Variants in MANSC1 observed in about 807,000 individuals in gnomAD.
MANSC1 encodes the protein MANSC domain containing 1.
In MANSC1, 13 loss-of-function variants were observed where a neutral mutation model predicts 14.1. The observed-to-expected ratio is 0.92, with a 90% CI of 0.60 to 1.46. The LOEUF is 1.46. MANSC1 is among the 40% of genes most tolerant of loss of function. The pLI is 0.00. For synonymous variants in MANSC1, 227 were observed against 200.7 expected (o/e 1.13, Z -1.11); for missense variants, 486 against 511.4 (o/e 0.95, Z 0.48).
intron 1 of MANSC1, chr12:12,348,177 A>G (rs1863032311): frequency 1.3e-5 from 2 of 152,212 alleles, no homozygotes; most frequent in African/African-American, 4.8e-5. Context: ...ATGCAGCCTT[A>G]CCATACAATT....
Position 12,330,520 on chromosome 12 carries a change from G to C in MANSC1, c.803C>G (p.Ala268Gly), listed in dbSNP as rs781617757. ...AGAAGTGACAGTGGTTACAGGTGGAGCTGTGGTGGCCAGCTGTGGCTGGGA... is the reference window on the plus strand; with the variant it reads ...AGAAGTGACAGTGGTTACAGGTGGACCTGTGGTGGCCAGCTGTGGCTGGGA... ...GTSQPQLATTAPPVTTVTSQP... is the reference protein window; with the variant it reads ...GTSQPQLATTGPPVTTVTSQP... The change falls in exon 4 of 4, where the codon GCT becomes GGT. Residue 268 changes from alanine (A) to glycine (G), a missense_variant. Coordinates refer to ENST00000535902, the MANE Select transcript of MANSC1 (RefSeq NM_018050.4). 10 of 1,614,212 alleles carry C rather than the reference G, an allele frequency of 6.2e-6. No individual in the cohort carries two copies. In the East Asian group the frequency reaches 2.2e-4, roughly 36 times the overall value.
chr12:12,349,122 C>T (rs1279505204), intron 1 of MANSC1, among the ~76,000 whole-genome samples: 3 of 152,190 alleles, frequency 2.0e-5, no homozygotes, highest in Non-Finnish European at 4.4e-5. Flanking sequence ...ACTACTGTGG[C>T]TTTTGCCTAC....
chr12:12,350,016 C>T (rs1412375795), intron 1 of MANSC1, 62 bp downstream of exon 1: 4 of 152,450 alleles, frequency 2.6e-5, no homozygotes, highest in African/African-American at 9.6e-5. Flanking sequence ...GACCGACTCT[C>T]TCCGCAGGTA....
chr12:12,346,975 T>A (rs77559638), intron 1 of MANSC1, among the ~76,000 whole-genome samples: 13,208 of 152,064 alleles, frequency 0.087, 658 homozygotes, highest in Non-Finnish European at 0.12. Flanking sequence ...GGTTTTTTTT[T>A]TTTTGGAGGA....
In MANSC1 at chr12:12,330,930, T is replaced by C; in HGVS notation, c.393A>G (p.Pro131=). The C allele has an allele frequency of 6.3e-7, 1 of 1,584,124 alleles. No individual in the cohort carries two copies. Among genetic ancestry groups the C allele is most frequent in the Non-Finnish European group, 8.6e-7 (1 of 1,167,974 alleles). Residue 131 remains proline (P), a synonymous_variant, in exon 4 of 4, where the codon CCA becomes CCG. Coordinates refer to ENST00000535902, the MANE Select transcript of MANSC1 (RefSeq NM_018050.4). ...AATCTTCCTGGGGTAACTCTTGGCT[T>C]GGCAAATTTCTGGTCAAAGATGGAA... ...TDFPSLTRNL[P]SQELPQEDSL...
intron 3 of MANSC1, among the ~76,000 whole-genome samples, chr12:12,334,538 CT>C (rs968520771): frequency 7.2e-5 from 11 of 152,134 alleles, no homozygotes; most frequent in African/African-American, 2.7e-4. Context: ...CACGTTGCCC[CT>C]AGGTGTCCAT....
At chr12:12,346,197 CCAGGCGGAGCT>C (rs1863007903) in intron 1 of MANSC1, among the ~76,000 whole-genome samples, 1 of 143,276 alleles carries the variant, frequency 7.0e-6, no homozygotes, top group African/African-American at 2.5e-5. Flanking sequence ...GGCATGAACC[CCAGGCGGAGCT>C]TGCAGCAAGC....
chr12:12,343,726 G>A (rs761491956), intron 1 of MANSC1, among the ~76,000 whole-genome samples: 16 of 152,190 alleles, frequency 1.1e-4, no homozygotes, highest in Non-Finnish European at 1.9e-4. Context: ...AACTCAGAGC[G>A]GAGAGGGCAC....
intron 1 of MANSC1, among the ~76,000 whole-genome samples, chr12:12,345,977 A>G (rs1162818385): frequency 6.6e-6 from 1 of 152,200 alleles, no homozygotes; most frequent in Non-Finnish European, 1.5e-5. Flanking sequence ...TTTTGTTAAC[A>G]TATCAGTGCT....
chr12:12,338,758 C>CTTT, intron 2 of MANSC1, 198 bp from the exon 3 acceptor site: 1 of 495,048 alleles, frequency 2.0e-6, no homozygotes, highest in South Asian at 2.9e-5. Flanking sequence ...TTGGGTTTAG[C>CTTT]TTTTTTTTTT....
chr12:12,330,076 C>T lies in MANSC1; in HGVS notation c.1247G>A (p.Arg416His), dbSNP rs759504988. 4.4e-5 allele frequency: 71 copies of T among 1,614,132 alleles called. No individual in the cohort carries two copies. The highest frequency in any genetic ancestry group is 6.7e-5 in the African/African-American group (5 of 75,024). ...RILSESLRRK[R>H]YSRLDYLING... ...GATCAAATAATCCAGTCTTGAGTAA[C>T]GTTTCCTGCGGAGTGATTCCGAGAG... Residue 416 changes from arginine to histidine, a missense_variant, in exon 4 of 4, where the codon CGT (arginine) becomes CAT (histidine). Coordinates refer to ENST00000535902, the MANE Select transcript of MANSC1 (RefSeq NM_018050.4).
chr12:12,339,174 C>A, intron 2 of MANSC1: 1 of 163,594 alleles, frequency 6.1e-6, no homozygotes, highest in Non-Finnish European at 1.3e-5. Flanking sequence ...CCTGAGCAGG[C>A]CTGATGGAGA....
chr12:12,331,053 CT>C, intron 3 of MANSC1, 95 bp from the exon 4 acceptor site: 2 of 849,120 alleles, frequency 2.4e-6, no homozygotes, highest in Non-Finnish European at 1.8e-6. Context: ...CAAAAGATCC[CT>C]AAACTGGTTG....
chr12:12,341,704 T>C (rs568701550), intron 2 of MANSC1, among the ~76,000 whole-genome samples: 1 of 152,310 alleles, frequency 6.6e-6, no homozygotes, highest in East Asian at 1.9e-4. Flanking sequence ...AAGCTCACTG[T>C]AGGCTGGGTG....
rs1321086112 is a variant in MANSC1, at chr12:12,343,204, A to G, written c.111T>C (p.Val37=). ...AAAGAGATGACTGGATGTCAATGAC[A>G]ACATCTTCTAGACTCTTTTTGAGGC... ...QNCLKKSLED[V]VIDIQSSLSK... The change falls in exon 2 of 4, where the codon GTT becomes GTC. Residue 37 remains valine (V), a synonymous_variant. Coordinates refer to ENST00000535902, the MANE Select transcript of MANSC1 (RefSeq NM_018050.4). 11 of 1,613,860 alleles carry G rather than the reference A, an allele frequency of 6.8e-6. No individual in the cohort carries two copies. Among genetic ancestry groups the G allele is most frequent in the Non-Finnish European group, 8.5e-6 (10 of 1,179,826 alleles).
chr12:12,327,975 C>T lies in MANSC1; in HGVS notation c.*2052G>A, dbSNP rs914354303. 1.3e-5 allele frequency: 2 copies of T among 152,184 alleles called. No individual in the cohort carries two copies. Among genetic ancestry groups the T allele is most frequent in the African/African-American group, 4.8e-5 (2 of 41,432 alleles). The allele number at this position is 152,184 out of a possible 1,614,324, so 9.4% of individuals were successfully genotyped here. A position where few individuals can be genotyped will look rare whatever the true frequency, so the allele number is the denominator to read the frequency against. ...TCCTGCATTTGTCTTAATTGCTGTA[C>T]TTATTAACCAGCTACTGCCCTCTAG... On this transcript the variant is annotated 3_prime_UTR_variant, in exon 4 of 4. Transcript: ENST00000535902.
chr12:12,346,885 T>G (rs1014740642), intron 1 of MANSC1, among the ~76,000 whole-genome samples: 1 of 151,788 alleles, frequency 6.6e-6, no homozygotes, highest in African/African-American at 2.4e-5. Flanking sequence ...TTCATTAAAT[T>G]TAAAAACTTC....
intron 2 of MANSC1, among the ~76,000 whole-genome samples, chr12:12,342,063 C>A (rs34584825): frequency 0.099 from 15,007 of 152,286 alleles, 974 homozygotes; most frequent in East Asian, 0.22. Context: ...CCCACCTCAG[C>A]CTCCCAATAG....
intron 3 of MANSC1, among the ~76,000 whole-genome samples, chr12:12,337,025 C>A (rs1476097569): frequency 6.6e-6 from 1 of 152,002 alleles, no homozygotes; most frequent in East Asian, 1.9e-4. Flanking sequence ...AATCCCAGCA[C>A]TTTGGGAGGC....
Sources: allele counts gnomAD v4.1 joint callset (sites outside exome capture counted in the v4.1 genomes callset), GRCh38; gene constraint gnomAD v4.1.1; transcripts MANE v1.5; gene names NCBI Gene and HGNC (gene_info 2026-07-23, HGNC 2026-07-21).